The following PIWIL3 variants were observed in gnomAD, a reference collection of about 807,000 sequenced individuals.
PIWIL3 encodes the protein piwi-like protein 3.
Under a neutral mutation model 109.7 loss-of-function variants are expected in PIWIL3, and 101 were observed. That is an observed-to-expected ratio of 0.92 (90% confidence interval 0.78 to 1.09). The LOEUF (loss-of-function observed/expected upper bound fraction) is 1.09, where lower values mean the gene tolerates loss of function less well. Among genes scored for constraint, PIWIL3 ranks in the 50% least tolerant of loss-of-function variants. The pLI, the probability that PIWIL3 is intolerant of heterozygous loss-of-function variation, is 0.00. For missense variants in PIWIL3, 1,031 were observed against 1,072.6 expected, an observed-to-expected ratio of 0.96 and a Z score of 0.54; for synonymous variants, 373 against 376.4, an observed-to-expected ratio of 0.99 and a Z score of 0.10.
intron 1 of PIWIL3, among the ~76,000 whole-genome samples, chr22:24,767,564 G>A (rs1296863068): frequency 2.7e-5 from 4 of 148,674 alleles, no homozygotes; most frequent in Admixed American, 6.7e-5. Context: ...AAAAAAAAAA[G>A]GGCAAAGAGA....
At chr22:24,731,941 A>G (rs1340475899) in intron 14 of PIWIL3, among the ~76,000 whole-genome samples, 6 of 152,154 alleles carry the variant, frequency 3.9e-5, no homozygotes, top group Non-Finnish European at 8.8e-5. Flanking sequence ...ACTCGCATTT[A>G]TAGGATTTTA....
chr22:24,758,671 T>C (rs987406773), intron 3 of PIWIL3, among the ~76,000 whole-genome samples: 4 of 152,228 alleles, frequency 2.6e-5, no homozygotes, highest in Non-Finnish European at 5.9e-5. Flanking sequence ...ATGGTTTGCC[T>C]CAAAATTTTA....
At chr22:24,761,039 C>T (rs1256336442) in intron 2 of PIWIL3, among the ~76,000 whole-genome samples, 1 of 151,964 alleles carries the variant, frequency 6.6e-6, no homozygotes, top group African/African-American at 2.4e-5. Flanking sequence ...GACTTTTGGC[C>T]TGAGCAAATG....
intron 4 of PIWIL3, among the ~76,000 whole-genome samples, chr22:24,757,615 T>TACATACACACACACACACACACACACAC (rs1555913039): frequency 1.3e-5 from 1 of 79,488 alleles, no homozygotes; most frequent in African/African-American, 4.7e-5. Flanking sequence ...AAAATTTACA[T>TACATACACACACACACACACACACACAC]ACACACACAC....
chr22:24,744,177 TTAAAAA>T lies in PIWIL3; in HGVS notation c.1449+4724_1449+4729del, dbSNP rs1450321934. On this transcript the variant is annotated intron_variant, in intron 12 of 20. Transcript: ENST00000616349. ...AACTCTAATTGAAAGAGTGACCGAATTAAAAAAAAAAAAAAAAAAAAAAAAAAAAAC... is the reference window on the plus strand; with the variant it reads ...AACTCTAATTGAAAGAGTGACCGAATAAAAAAAAAAAAAAAAAAAAAAAAC... Among the ~76,000 whole-genome samples, 24 of 35,860 alleles carry T rather than the reference TTAAAAA, an allele frequency of 6.7e-4. 3 individuals are homozygous for T. The highest frequency in any genetic ancestry group is 4.4e-3 in the South Asian group (4 of 910). The allele number at this position is 35,860 out of a possible 152,430, so 23.5% of individuals were successfully genotyped here. A position where few individuals can be genotyped will look rare whatever the true frequency, so the allele number is the denominator to read the frequency against.
intron 17 of PIWIL3, 32 bp from the exon 18 acceptor site, chr22:24,725,069 G>A (rs777250875): frequency 2.4e-5 from 39 of 1,611,260 alleles, no homozygotes; most frequent in East Asian, 1.1e-4. Context: ...TAAATAAACC[G>A]TTACTTGGAA....
At chr22:24,766,520 C>T (rs1011334510) in intron 1 of PIWIL3, among the ~76,000 whole-genome samples, 5 of 151,880 alleles carry the variant, frequency 3.3e-5, no homozygotes, top group Admixed American at 6.6e-5. Flanking sequence ...GACGGGGTTT[C>T]GCCATGTTAG....
intron 19 of PIWIL3, among the ~76,000 whole-genome samples, chr22:24,721,617 A>G (rs1197230975): frequency 2.0e-5 from 3 of 152,124 alleles, no homozygotes; most frequent in Admixed American, 6.6e-5. Context: ...TCCAGTTAAC[A>G]ATTTGTTTTC....
intron 2 of PIWIL3, among the ~76,000 whole-genome samples, chr22:24,761,153 G>A (rs867265963): frequency 1.3e-5 from 2 of 152,008 alleles, no homozygotes; most frequent in Admixed American, 1.3e-4. Flanking sequence ...AGGTGGTGCA[G>A]GAGAGGTTCT....
intron 3 of PIWIL3, among the ~76,000 whole-genome samples, 161 bp from the exon 4 acceptor site, chr22:24,758,200 A>G (rs1925210388): frequency 6.6e-6 from 1 of 152,248 alleles, no homozygotes; most frequent in Non-Finnish European, 1.5e-5. Flanking sequence ...AACCTTACCC[A>G]GAAACCTTTC....
rs951866382 is a variant in PIWIL3, at chr22:24,728,362, G to A, written c.1720C>T (p.Leu574=). 2.2e-5 allele frequency: 35 copies of A among 1,613,918 alleles called. No individual in the cohort carries two copies. The highest frequency in any genetic ancestry group is 2.9e-5 in the Non-Finnish European group (34 of 1,180,006). ...RPTLQMVICI[L]PNDDKRRYDS... is the part of the protein sequence containing the mutation. ...TATCTACGTTTGTCATCATTGGGCA[G>A]GATACAAATCACCTTGAAAACCAGC... The change falls in exon 15 of 21, where the codon CTG becomes TTG. Residue 574 remains leucine (L), a synonymous_variant. Transcript: ENST00000616349.
rs762686377 is a variant in PIWIL3 at position 24,762,407 on chromosome 22, T to G, written c.93A>C (p.Gly31=). 16 of 1,613,504 alleles carry G rather than the reference T, an allele frequency of 9.9e-6. No individual in the cohort carries two copies. The East Asian group carries it at 3.6e-4, about 36-fold the overall frequency. ...QEAPGGPRAP[G]SATTQEPPQL... ...ACGTTACAGGGCTCACTGTAGCTGA[T>G]CCAGGTGCTCTGGGTCCCCCAGGTG... Residue 31 remains glycine, a synonymous_variant, in exon 2 of 21, where the codon GGA becomes GGC. Coordinates refer to ENST00000616349, the MANE Select transcript of PIWIL3 (RefSeq NM_001255975.1).
chr22:24,734,035 G>A, intron 14 of PIWIL3, 49 bp downstream of exon 14: 1 of 1,561,300 alleles, frequency 6.4e-7, no homozygotes, highest in Non-Finnish European at 8.6e-7. Flanking sequence ...TATCAAGATG[G>A]TTTGGAACAA....
chr22:24,749,398 A>G lies in PIWIL3; in HGVS notation c.1334+6T>C, dbSNP rs1187101231. On this transcript the variant is annotated splice_donor_region_variant and intron_variant, in intron 11 of 20. Transcript: ENST00000616349. ...ACACACACTCAGCCAGAAAAGCAGCACTTACTCTTGTAGAGTATTGATGAA... is the reference window on the plus strand; with the variant it reads ...ACACACACTCAGCCAGAAAAGCAGCGCTTACTCTTGTAGAGTATTGATGAA... The G allele has an allele frequency of 1.9e-6, 3 of 1,613,678 alleles. No individual in the cohort carries two copies. The South Asian group carries it at 3.3e-5, about 18-fold the overall frequency.
chr22:24,731,598 C>G (rs796520803), intron 14 of PIWIL3, among the ~76,000 whole-genome samples: 39 of 151,502 alleles, frequency 2.6e-4, no homozygotes, highest in African/African-American at 9.5e-4. Context: ...TTGCAGTGAG[C>G]TGAGATCACA....
At chr22:24,739,414 G>A (rs781488582) in intron 12 of PIWIL3, among the ~76,000 whole-genome samples, 1 of 152,038 alleles carries the variant, frequency 6.6e-6, no homozygotes, top group Non-Finnish European at 1.5e-5. Flanking sequence ...AACTTTAAAA[G>A]GTCAAGGATA....
intron 12 of PIWIL3, among the ~76,000 whole-genome samples, chr22:24,746,634 C>CAAA (rs35315202): frequency 3.2e-4 from 46 of 142,878 alleles, no homozygotes; most frequent in Middle Eastern, 3.6e-3. Flanking sequence ...CTAACGACTC[C>CAAA]AAAAAAAAAA....
chr22:24,769,119 T>C (rs1471102353), intron 1 of PIWIL3, among the ~76,000 whole-genome samples: 1 of 152,226 alleles, frequency 6.6e-6, no homozygotes, highest in Non-Finnish European at 1.5e-5. Context: ...AAGTCCCTGA[T>C]ACAAAATGGT....
At chr22:24,727,402 C>T (rs1326748741) in intron 16 of PIWIL3, among the ~76,000 whole-genome samples, 1 of 152,204 alleles carries the variant, frequency 6.6e-6, no homozygotes, top group Non-Finnish European at 1.5e-5. Context: ...AGAACAAGGG[C>T]TCAATGTGCT....
Sources: allele counts gnomAD v4.1 joint callset (sites outside exome capture counted in the v4.1 genomes callset), GRCh38; gene constraint gnomAD v4.1.1; transcripts MANE v1.5; gene names NCBI Gene and HGNC (gene_info 2026-07-23, HGNC 2026-07-21).